Variants in PLCG2 observed in about 807,000 individuals in gnomAD.
PLCG2 encodes the protein phospholipase C gamma 2, also known as 1-phosphatidylinositol 4,5-bisphosphate phosphodiesterase gamma-2.
A neutral mutation model predicts 175.6 loss-of-function variants in PLCG2; 69 were observed. The ratio of observed to expected loss-of-function variants is 0.39; its 90% CI spans 0.32 to 0.48. The LOEUF (loss-of-function observed/expected upper bound fraction) is 0.48. PLCG2 is among the 20% of genes least tolerant of loss of function. PLCG2 has a pLI of 0.91. For missense variants in PLCG2, 1,798 were observed against 1,650.9 expected, an observed-to-expected ratio of 1.09 and a Z score of -1.54; for synonymous variants, 827 against 624.0, an observed-to-expected ratio of 1.33 and a Z score of -4.85.
At chr16:81,833,042 G>A (rs1905332229) in intron 2 of PLCG2, among the ~76,000 whole-genome samples, 1 of 152,234 alleles carries the variant, frequency 6.6e-6, no homozygotes, top group East Asian at 1.9e-4. Context: ...TCCAGAAGCG[G>A]AAGGCAACCT....
rs571011648 is a variant in PLCG2 at position 81,849,594 on chromosome 16, A to C, written c.194-4850A>C. Among the ~76,000 whole-genome samples the C allele has an allele frequency of 4.6e-5, 7 of 152,100 alleles. No individual in the cohort carries two copies. The East Asian group carries it at 1.4e-3, about 29-fold the overall frequency. On this transcript the variant is annotated intron_variant, in intron 2 of 32. Coordinates refer to ENST00000564138, the MANE Select transcript of PLCG2 (RefSeq NM_002661.5). ...ACCTATATGGTGAAACCCTGTCTCT[A>C]CTAGAAATACACATACACACACACA...
chr16:81,785,662 G>C (rs1910936060), intron 1 of PLCG2: 1 of 236,416 alleles, frequency 4.2e-6, no homozygotes, highest in Non-Finnish European at 8.3e-6. Flanking sequence ...GGTGGGGAGA[G>C]AGGGGACTCA....
intron 2 of PLCG2, among the ~76,000 whole-genome samples, chr16:81,848,292 G>C (rs868593691): frequency 2.0e-5 from 3 of 152,188 alleles, no homozygotes; most frequent in African/African-American, 4.8e-5. Context: ...AAGCAAGAGA[G>C]GGGTGTTCAG....
chr16:81,840,604 C>G (rs1275023589), intron 2 of PLCG2, among the ~76,000 whole-genome samples: 1 of 152,126 alleles, frequency 6.6e-6, no homozygotes, highest in African/African-American at 2.4e-5. Flanking sequence ...AACCTGGGTC[C>G]CTCACATGTG....
At chr16:81,826,682 C>A (rs966669837) in intron 2 of PLCG2, among the ~76,000 whole-genome samples, 1 of 152,132 alleles carries the variant, frequency 6.6e-6, no homozygotes, top group East Asian at 1.9e-4. Context: ...TAACCTCTGT[C>A]CTTGGCGCTT....
intron 31 of PLCG2, among the ~76,000 whole-genome samples, chr16:81,951,580 C>CAACT (rs1436293376): frequency 1.3e-5 from 2 of 152,188 alleles, no homozygotes; most frequent in Admixed American, 1.3e-4. Context: ...TGAAGCTATA[C>CAACT]AACTTTCATA....
At chr16:81,745,059 C>A (rs556478149) in intron 1 of PLCG2, among the ~76,000 whole-genome samples, 1 of 152,184 alleles carries the variant, frequency 6.6e-6, no homozygotes, top group Non-Finnish European at 1.5e-5. Flanking sequence ...CATAAACATT[C>A]AGCAAAGAAT....
At chr16:81,804,513 C>G (rs532023799) in intron 2 of PLCG2, among the ~76,000 whole-genome samples, 7 of 152,294 alleles carry the variant, frequency 4.6e-5, no homozygotes, top group African/African-American at 1.7e-4. Context: ...TGCTTCTTGG[C>G]TTGAGTCAAG....
At chr16:81,892,675 G>C (rs907343585) in intron 11 of PLCG2, among the ~76,000 whole-genome samples, 6 of 151,888 alleles carry the variant, frequency 4.0e-5, no homozygotes, top group African/African-American at 1.5e-4. Flanking sequence ...TTTATTTTCA[G>C]TTCAGAGGTA....
chr16:81,742,313 T>G (rs1187150206), intron 1 of PLCG2, among the ~76,000 whole-genome samples: 3 of 152,234 alleles, frequency 2.0e-5, no homozygotes, highest in Admixed American at 2.0e-4. Context: ...CAGGCAGTGC[T>G]CAAGGAAGGG....
intron 25 of PLCG2, 37 bp downstream of exon 25, chr16:81,931,691 C>T: frequency 1.9e-6 from 3 of 1,595,844 alleles, no homozygotes; most frequent in Non-Finnish European, 2.6e-6. Flanking sequence ...GTGGGCCTGG[C>T]ATTCTGAGGG....
At chr16:81,924,695 A>G (rs1224676868) in intron 22 of PLCG2, among the ~76,000 whole-genome samples, 2 of 152,240 alleles carry the variant, frequency 1.3e-5, no homozygotes, top group African/African-American at 2.4e-5. Context: ...TTGCAAACCA[A>G]TTCATACCTA....
intron 2 of PLCG2, among the ~76,000 whole-genome samples, chr16:81,793,525 G>A (rs1008925824): frequency 1.3e-5 from 2 of 152,148 alleles, no homozygotes; most frequent in African/African-American, 4.8e-5. Context: ...AACTGTGTAG[G>A]CTTTTTATCC....
At chr16:81,907,205 C>G (rs1159869351) in intron 15 of PLCG2, among the ~76,000 whole-genome samples, 1 of 151,984 alleles carries the variant, frequency 6.6e-6, no homozygotes, top group Non-Finnish European at 1.5e-5. Context: ...ACCCAGCCTC[C>G]TCTCACATTA....
At chr16:81,896,029 C>T in intron 13 of PLCG2, 102 bp downstream of exon 13, 1 of 1,419,312 alleles carries the variant, frequency 7.0e-7, no homozygotes, top group Non-Finnish European at 9.8e-7. Flanking sequence ...CACCTCCCTC[C>T]AAATGCGGGA....
rs147468519 is a variant in PLCG2, at chr16:81,873,730, G to C, written c.648+2795G>C. ...GGATCCTTTGAGCTCAGGAGTTTGA[G>C]ACTAGCCTGGGCAACATAGTGAGAC... is the stretch of plus-strand genomic sequence containing the variant. On this transcript the variant is annotated intron_variant, in intron 7 of 32. Coordinates refer to ENST00000564138, the MANE Select transcript of PLCG2 (RefSeq NM_002661.5). 7.0e-4 allele frequency among the ~76,000 whole-genome samples: 106 copies of C among 152,162 alleles called. 1 individual carries two copies. The highest frequency in any genetic ancestry group is 2.4e-3 in the African/African-American group (98 of 41,490).
chr16:81,784,809 C>T (rs572799128), intron 1 of PLCG2, among the ~76,000 whole-genome samples: 1 of 152,212 alleles, frequency 6.6e-6, no homozygotes, highest in East Asian at 1.9e-4. Flanking sequence ...TGCAGCCTAG[C>T]TGGCAAGGGG....
At chr16:81,943,826 G>A (rs182583319) in intron 30 of PLCG2, among the ~76,000 whole-genome samples, 48 of 152,304 alleles carry the variant, frequency 3.2e-4, no homozygotes, top group African/African-American at 1.2e-3. Flanking sequence ...TATATTCAAT[G>A]AGAGCAATGT....
At chr16:81,907,997 C>T (rs1485813260) in intron 16 of PLCG2, among the ~76,000 whole-genome samples, 2 of 152,156 alleles carry the variant, frequency 1.3e-5, no homozygotes, top group Non-Finnish European at 2.9e-5. Context: ...TGCTTTCCTG[C>T]TCTCTAAAGT....
Sources: gnomAD v4.1 joint callset for allele counts (sites outside exome capture counted in the v4.1 genomes callset) on GRCh38, gnomAD v4.1.1 for gene constraint, MANE v1.5 for transcripts, NCBI Gene and HGNC (gene_info 2026-07-23, HGNC 2026-07-21) for gene names.